The following XIRP2 variants were observed in gnomAD, a reference collection of about 807,000 sequenced individuals.
XIRP2 encodes the protein xin actin-binding repeat-containing protein 2.
In XIRP2, 236 loss-of-function variants were observed where a neutral mutation model predicts 277.0. The observed-to-expected ratio is 0.85, with a 90% CI of 0.77 to 0.95. The LOEUF is 0.95. Ranked by LOEUF, XIRP2 falls within the 40% of genes least tolerant of loss-of-function variation. The pLI is 0.00. For missense variants in XIRP2, 4,640 were observed against 4,157.5 expected (o/e 1.12, Z -3.19); for synonymous variants, 1,490 against 1,416.5 (o/e 1.05, Z -1.17).
chr2:167,046,352 G>A (rs1335007404), intron 2 of XIRP2, among the ~76,000 whole-genome samples: 1 of 151,844 alleles, frequency 6.6e-6, no homozygotes. Context: ...GTCATAGATG[G>A]CTGTTATTAT....
chr2:166,953,047 T>C (rs1334853983), intron 2 of XIRP2, among the ~76,000 whole-genome samples: 3 of 152,018 alleles, frequency 2.0e-5, no homozygotes, highest in Non-Finnish European at 4.4e-5. Flanking sequence ...ACTAACTTTT[T>C]TGTTTCTTAA....
chr2:166,928,280 G>A (rs886287938), intron 2 of XIRP2, among the ~76,000 whole-genome samples: 1 of 152,052 alleles, frequency 6.6e-6, no homozygotes, highest in Admixed American at 6.6e-5. Flanking sequence ...ACTGACAGAT[G>A]GGTTTATGGG....
intron 3 of XIRP2, among the ~76,000 whole-genome samples, chr2:167,180,105 C>T (rs16853128): frequency 0.15 from 22,447 of 152,042 alleles, 2,527 homozygotes; most frequent in African/African-American, 0.32. Context: ...TTTCATAGTG[C>T]GTATCTTACT....
intron 2 of XIRP2, among the ~76,000 whole-genome samples, chr2:167,097,247 A>G (rs1489135209): frequency 6.6e-6 from 1 of 152,122 alleles, no homozygotes. Context: ...GTGCATATGT[A>G]TTTGGGATAG....
intron 2 of XIRP2, among the ~76,000 whole-genome samples, chr2:167,051,811 G>A (rs937110344): frequency 1.4e-4 from 21 of 152,084 alleles, no homozygotes; most frequent in African/African-American, 7.2e-5. Context: ...ATAACCCTCC[G>A]AATGATTCAG....
At chr2:167,117,199 G>A (rs569063416) in intron 2 of XIRP2, among the ~76,000 whole-genome samples, 6 of 152,138 alleles carry the variant, frequency 3.9e-5, no homozygotes, top group African/African-American at 1.4e-4. Flanking sequence ...TTTGTTTTGT[G>A]GAGTAATTTT....
At chr2:166,972,018 C>A (rs1304307748) in intron 2 of XIRP2, among the ~76,000 whole-genome samples, 2 of 152,042 alleles carry the variant, frequency 1.3e-5, no homozygotes, top group Non-Finnish European at 2.9e-5. Flanking sequence ...AGGTCCTAAT[C>A]CCCAAAATGA....
intron 2 of XIRP2, among the ~76,000 whole-genome samples, chr2:167,119,675 A>T (rs367915672): frequency 2.0e-5 from 3 of 152,228 alleles, no homozygotes; most frequent in African/African-American, 7.2e-5. Flanking sequence ...TAGATTATGC[A>T]TGATGCCCAC....
chr2:166,906,132 G>T (rs1361040497), intron 2 of XIRP2, among the ~76,000 whole-genome samples: 1 of 151,878 alleles, frequency 6.6e-6, no homozygotes, highest in East Asian at 1.9e-4. Flanking sequence ...TAAACTTAAA[G>T]CAAGGACAGA....
At chr2:167,189,392 C>A (rs1393346167) in intron 3 of XIRP2, among the ~76,000 whole-genome samples, 2 of 152,104 alleles carry the variant, frequency 1.3e-5, no homozygotes, top group Non-Finnish European at 2.9e-5. Context: ...TTAATAAGTG[C>A]CCAGCAGTGT....
chr2:167,141,136 A>G (rs1256809146), intron 3 of XIRP2, among the ~76,000 whole-genome samples: 1 of 152,202 alleles, frequency 6.6e-6, no homozygotes, highest in Non-Finnish European at 1.5e-5. Flanking sequence ...AAATTTAAGT[A>G]TACCTTTAAA....
intron 2 of XIRP2, among the ~76,000 whole-genome samples, chr2:167,035,192 G>T (rs527648061): frequency 6.6e-6 from 1 of 152,158 alleles, no homozygotes; most frequent in South Asian, 2.1e-4. Context: ...TACCAGGAGT[G>T]GGGTGCTTGC....
intron 2 of XIRP2, among the ~76,000 whole-genome samples, chr2:166,974,720 C>T (rs913885698): frequency 2.6e-5 from 4 of 151,734 alleles, no homozygotes; most frequent in African/African-American, 7.2e-5. Flanking sequence ...ATAGGAGTAA[C>T]AAGAGAAGAG....
At chr2:167,160,336 G>A (rs1448326766) in intron 3 of XIRP2, among the ~76,000 whole-genome samples, 1 of 152,140 alleles carries the variant, frequency 6.6e-6, no homozygotes, top group Non-Finnish European at 1.5e-5. Context: ...GGATGTGCAT[G>A]CACACAAGCA....
chr2:167,146,971 T>C (rs1691880187), intron 3 of XIRP2, among the ~76,000 whole-genome samples: 2 of 152,166 alleles, frequency 1.3e-5, no homozygotes, highest in South Asian at 2.1e-4. Context: ...ATTTTTAATA[T>C]AATGAGATAA....
Position 167,120,751 on chromosome 2 carries a change from G to A in XIRP2, c.409-15158G>A, listed in dbSNP as rs553243092. Among the ~76,000 whole-genome samples the A allele has an allele frequency of 2.0e-5, 3 of 152,090 alleles. No homozygotes were observed. In the South Asian group the frequency reaches 6.2e-4, roughly 32 times the overall value. On this transcript the variant is annotated intron_variant, in intron 2 of 10. Transcript: ENST00000409195. ...ACAAAATCTCAGCATGACATAATTA[G>A]CTCATGAATATAAATATTCAGACCC...
At chr2:167,008,768 C>T (rs1687574413) in intron 2 of XIRP2, among the ~76,000 whole-genome samples, 1 of 151,418 alleles carries the variant, frequency 6.6e-6, no homozygotes, top group Non-Finnish European at 1.5e-5. Flanking sequence ...AACTTTTTAG[C>T]TGTGTTAATG....
chr2:166,896,544 T>C (rs1684247855), intron 1 of XIRP2, among the ~76,000 whole-genome samples: 2 of 151,998 alleles, frequency 1.3e-5, no homozygotes, highest in South Asian at 4.1e-4. Flanking sequence ...AAAAATTTTC[T>C]ACAGTTGTAC....
intron 2 of XIRP2, among the ~76,000 whole-genome samples, chr2:166,968,572 T>C (rs1439673029): frequency 1.3e-5 from 2 of 151,980 alleles, no homozygotes; most frequent in Non-Finnish European, 2.9e-5. Context: ...TCTTAGGCCA[T>C]TAAAGCTGGA....
Sources: allele counts gnomAD v4.1 joint callset (sites outside exome capture counted in the v4.1 genomes callset), GRCh38; gene constraint gnomAD v4.1.1; transcripts MANE v1.5; gene names NCBI Gene and HGNC (gene_info 2026-07-23, HGNC 2026-07-21).